Variants in MTTP observed in about 807,000 individuals in gnomAD.
MTTP encodes microsomal triglyceride transfer protein.
Under a neutral mutation model 90.6 loss-of-function variants are expected in MTTP, and 49 were observed. The ratio of observed to expected loss-of-function variants is 0.54; its 90% CI spans 0.43 to 0.69. The LOEUF (loss-of-function observed/expected upper bound fraction) is 0.69, where lower values mean the gene tolerates loss of function less well. Among genes scored for constraint, MTTP ranks in the 30% least tolerant of loss-of-function variants. MTTP has a pLI of 0.00. For missense variants in MTTP, 945 were observed against 1,067.5 expected (o/e 0.89, Z 1.60); for synonymous variants, 347 against 384.2 (o/e 0.90, Z 1.13).
Position 99,612,893 on chromosome 4 carries a change from A to G in MTTP, c.1990-20A>G, listed in dbSNP as rs775318666. 29 of 1,604,348 alleles carry G rather than the reference A, an allele frequency of 1.8e-5. No individual in the cohort carries two copies. Among genetic ancestry groups the G allele is most frequent in the Non-Finnish European group, 2.3e-5 (27 of 1,171,534 alleles). On this transcript the variant is annotated intron_variant, in intron 14 of 17. Coordinates refer to ENST00000265517, the MANE Select transcript of MTTP (RefSeq NM_001386140.1). ...CAGGCAGGGAGCTTGCGTCATGAACATTATATTGATTTTATCCAGGTGGTT... is the reference window on the plus strand; with the variant it reads ...CAGGCAGGGAGCTTGCGTCATGAACGTTATATTGATTTTATCCAGGTGGTT...
intron 1 of MTTP, among the ~76,000 whole-genome samples, chr4:99,567,342 A>G (rs750312389): frequency 6.6e-6 from 1 of 152,198 alleles, no homozygotes; most frequent in Non-Finnish European, 1.5e-5. Context: ...GTGAAAAGGA[A>G]TCCCTAAAAC....
intron 10 of MTTP, among the ~76,000 whole-genome samples, 189 bp downstream of exon 10, chr4:99,601,903 A>T (rs1211350615): frequency 2.6e-5 from 4 of 152,020 alleles, no homozygotes; most frequent in Non-Finnish European, 2.9e-5. Flanking sequence ...GTATATTTCT[A>T]TTTCACTAGA....
In MTTP at chr4:99,621,068, G is replaced by A. The variant is rs142132258; in HGVS notation, c.2350G>A (p.Val784Met). Reference protein sequence around the residue: ...SKTRVKNRVTVVITTDITVDS... With the variant: ...SKTRVKNRVTMVITTDITVDS... ...TTTTTCTCAAATGTTTAGGGTGACT[G>A]TGGTAATAACCACTGACATCACAGT... is the stretch of plus-strand genomic sequence containing the variant. The change falls in exon 17 of 18, where the codon GTG (valine) becomes ATG (methionine). Residue 784 changes from valine to methionine, a missense_variant. Transcript: ENST00000265517. 3 of 1,613,980 alleles carry A rather than the reference G, an allele frequency of 1.9e-6. No individual in the cohort carries two copies. Among genetic ancestry groups the A allele is most frequent in the Non-Finnish European group, 2.5e-6 (3 of 1,179,930 alleles).
chr4:99,607,973 T>TAA (rs76202652), intron 11 of MTTP, among the ~76,000 whole-genome samples: 4 of 151,540 alleles, frequency 2.6e-5, no homozygotes, highest in South Asian at 2.1e-4. Flanking sequence ...GTCTATTAAT[T>TAA]AAAAAAAAGA....
chr4:99,569,245 C>T (rs1399194530), intron 1 of MTTP, among the ~76,000 whole-genome samples: 1 of 152,050 alleles, frequency 6.6e-6, no homozygotes, highest in Non-Finnish European at 1.5e-5. Flanking sequence ...GAGAAAAATA[C>T]CACAAAAATT....
intron 4 of MTTP, among the ~76,000 whole-genome samples, chr4:99,590,455 G>A (rs1470864191): frequency 6.6e-6 from 1 of 152,056 alleles, no homozygotes; most frequent in East Asian, 1.9e-4. Context: ...GGAACCACTG[G>A]TCTATACCAA....
At chr4:99,567,978 A>T (rs1180438265) in intron 1 of MTTP, among the ~76,000 whole-genome samples, 1 of 152,190 alleles carries the variant, frequency 6.6e-6, no homozygotes, top group African/African-American at 2.4e-5. Context: ...TGAAGCAAAA[A>T]AAAGTGGATG....
chr4:99,583,747 T>G, intron 3 of MTTP: 1 of 610,978 alleles, frequency 1.6e-6, no homozygotes, highest in Non-Finnish European at 2.9e-6. Context: ...GAAATCTTTA[T>G]AGTGGAATGA....
chr4:99,589,772 G>T (rs1350742578), intron 4 of MTTP, 22 bp downstream of exon 4: 1 of 1,381,290 alleles, frequency 7.2e-7, no homozygotes, highest in African/African-American at 1.5e-5. Context: ...TATTAATAAG[G>T]ATTCAGCATC....
chr4:99,571,988 T>C (rs928205204), upstream of MTTP, among the ~76,000 whole-genome samples: 8 of 151,856 alleles, frequency 5.3e-5, no homozygotes, highest in African/African-American at 1.7e-4. Flanking sequence ...ACATCCTGAC[T>C]TTCTATATCT....
At chr4:99,607,015 T>A in intron 11 of MTTP, 55 bp downstream of exon 11, 1 of 1,438,176 alleles carries the variant, frequency 7.0e-7, no homozygotes, top group Non-Finnish European at 9.6e-7. Context: ...AAAAGCATGC[T>A]GAACATGAGT....
At position 99,600,608 on chromosome 4, in the gene MTTP, T is replaced by C; in HGVS notation, c.1111T>C (p.Ser371Pro). 6.2e-7 allele frequency: 1 copy of C among 1,613,804 alleles called. No individual in the cohort carries two copies. The highest frequency in any genetic ancestry group is 8.5e-7 in the Non-Finnish European group (1 of 1,179,792). ...TGTCACCTCTGCTCAGACCTCAGACTCATTAGAAGCCATTTTGGACTTTTT... is the reference window on the plus strand; with the variant it reads ...TGTCACCTCTGCTCAGACCTCAGACCCATTAGAAGCCATTTTGGACTTTTT... ...DAVTSAQTSD[S>P]LEAILDFLDF... The change falls in exon 9 of 18, where the codon TCA (serine) becomes CCA (proline). Residue 371 changes from serine to proline, a missense_variant. Physicochemically the swap from Ser to Pro is moderately conservative, Grantham distance 74. Coordinates refer to ENST00000265517, the MANE Select transcript of MTTP (RefSeq NM_001386140.1).
At chr4:99,590,708 G>T (rs1725393515) in intron 4 of MTTP, among the ~76,000 whole-genome samples, 1 of 152,154 alleles carries the variant, frequency 6.6e-6, no homozygotes, top group Admixed American at 6.6e-5. Context: ...GACAGAGTCT[G>T]TATTGGGATA....
upstream of MTTP, among the ~76,000 whole-genome samples, chr4:99,570,179 G>T (rs1039968245): frequency 6.6e-6 from 1 of 151,878 alleles, no homozygotes; most frequent in Non-Finnish European, 1.5e-5. Context: ...TTTTAAAGAT[G>T]TCATTTGGAG....
intron 6 of MTTP, among the ~76,000 whole-genome samples, chr4:99,592,429 T>C (rs547724418): frequency 2.0e-5 from 3 of 152,308 alleles, no homozygotes; most frequent in East Asian, 1.9e-4. Flanking sequence ...TGAAGTACTC[T>C]GTAATAACAC....
chr4:99,613,236 G>A (rs1726008131), intron 15 of MTTP, 96 bp downstream of exon 15: 1 of 1,150,406 alleles, frequency 8.7e-7, no homozygotes, highest in African/African-American at 1.5e-5. Context: ...AGACAAAATT[G>A]TGCCCATCTT....
At chr4:99,566,160 G>T (rs1326915992) in intron 1 of MTTP, among the ~76,000 whole-genome samples, 1 of 151,828 alleles carries the variant, frequency 6.6e-6, no homozygotes, top group Non-Finnish European at 1.5e-5. Flanking sequence ...GTGGTGGCGG[G>T]CGCCTGTAGT....
chr4:99,614,491 G>A (rs571125919), intron 15 of MTTP, among the ~76,000 whole-genome samples: 7 of 152,178 alleles, frequency 4.6e-5, no homozygotes, highest in Non-Finnish European at 8.8e-5. Flanking sequence ...AAAACAAAAA[G>A]CAATTTAGAG....
At chr4:99,607,007 A>C (rs985036854) in intron 11 of MTTP, 47 bp downstream of exon 11, 1 of 1,530,672 alleles carries the variant, frequency 6.5e-7, no homozygotes, top group South Asian at 1.2e-5. Flanking sequence ...GAAAAAAAAA[A>C]AGCATGCTGA....
Sources: gnomAD v4.1 joint callset for allele counts (sites outside exome capture counted in the v4.1 genomes callset) on GRCh38, gnomAD v4.1.1 for gene constraint, MANE v1.5 for transcripts, NCBI Gene and HGNC (gene_info 2026-07-23, HGNC 2026-07-21) for gene names.